The following UNC5D variants were observed in gnomAD, a reference collection of about 807,000 sequenced individuals.
The protein encoded by UNC5D is netrin receptor UNC5D.
In UNC5D, 39 loss-of-function variants were observed where a neutral mutation model predicts 105.4. The ratio of observed to expected loss-of-function variants is 0.37; its 90% CI spans 0.29 to 0.48. The LOEUF is 0.48. Ranked by LOEUF, UNC5D falls within the 20% of genes least tolerant of loss-of-function variation. The pLI is 0.98. For synonymous variants in UNC5D, 452 were observed against 450.4 expected, an observed-to-expected ratio of 1.00 and a Z score of -0.04; for missense variants, 991 against 1,202.4, an observed-to-expected ratio of 0.82 and a Z score of 2.60.
At chr8:35,265,863 C>T (rs951754364) in intron 1 of UNC5D, among the ~76,000 whole-genome samples, 4 of 108,624 alleles carry the variant, frequency 3.7e-5, no homozygotes, top group African/African-American at 1.0e-4. Context: ...GAGCGAGACT[C>T]GTCTCATAAT....
intron 4 of UNC5D, among the ~76,000 whole-genome samples, chr8:35,658,524 TA>T (rs1823909945): frequency 6.6e-6 from 1 of 152,112 alleles, no homozygotes; most frequent in African/African-American, 2.4e-5. Context: ...AGATGCTGTG[TA>T]ATGATGTTAC....
chr8:35,363,447 G>C (rs1801954571), intron 1 of UNC5D, among the ~76,000 whole-genome samples: 1 of 152,276 alleles, frequency 6.6e-6, no homozygotes, highest in Non-Finnish European at 1.5e-5. Flanking sequence ...TGGGAATTAT[G>C]GGAGTACAAT....
chr8:35,600,355 C>G (rs1210800237), intron 4 of UNC5D, among the ~76,000 whole-genome samples: 1 of 152,108 alleles, frequency 6.6e-6, no homozygotes, highest in Non-Finnish European at 1.5e-5. Context: ...ATTTCTAGTT[C>G]TAGATCCCTG....
intron 1 of UNC5D, among the ~76,000 whole-genome samples, chr8:35,304,950 A>G (rs1006950033): frequency 6.6e-6 from 1 of 152,036 alleles, no homozygotes; most frequent in African/African-American, 2.4e-5. Flanking sequence ...AAGTTATTAT[A>G]TTCATTTATA....
chr8:35,746,567 C>A (rs1314058339), intron 11 of UNC5D, among the ~76,000 whole-genome samples: 1 of 152,150 alleles, frequency 6.6e-6, no homozygotes, highest in Non-Finnish European at 1.5e-5. Context: ...TGCCCTGGCT[C>A]ATATTCAATA....
At chr8:35,744,428 A>T (rs1308465359) in intron 11 of UNC5D, among the ~76,000 whole-genome samples, 1 of 152,232 alleles carries the variant, frequency 6.6e-6, no homozygotes, top group Non-Finnish European at 1.5e-5. Flanking sequence ...ACATCCATTT[A>T]TGATTCTCAA....
In UNC5D at chr8:35,736,591, T is replaced by G. The variant is rs570092585; in HGVS notation, c.1766+5495T>G. Among the ~76,000 whole-genome samples the G allele has an allele frequency of 3.9e-5, 6 of 152,328 alleles. No individual in the cohort carries two copies. The East Asian group carries it at 7.7e-4, about 20-fold the overall frequency. On this transcript the variant is annotated intron_variant, in intron 11 of 16. Transcript: ENST00000404895. ...GGTTAAGCCCCATAAGCAAATCCAG[T>G]TCTTTAAATGAATGATCATATTGCA...
chr8:35,715,416 C>CTGTT, intron 8 of UNC5D, among the ~76,000 whole-genome samples: 1 of 152,170 alleles, frequency 6.6e-6, no homozygotes, highest in East Asian at 1.9e-4. Context: ...GTATATGTAC[C>CTGTT]TGTTTATACT....
At chr8:35,600,027 C>T (rs1819752237) in intron 4 of UNC5D, among the ~76,000 whole-genome samples, 4 of 152,058 alleles carry the variant, frequency 2.6e-5, no homozygotes, top group Admixed American at 2.6e-4. Context: ...TGTTCAATTC[C>T]CACCTATGAG....
At chr8:35,330,270 C>T (rs1292402742) in intron 1 of UNC5D, among the ~76,000 whole-genome samples, 1 of 152,168 alleles carries the variant, frequency 6.6e-6, no homozygotes, top group Non-Finnish European at 1.5e-5. Context: ...GGAAAAAAGA[C>T]TGTATTTATT....
intron 4 of UNC5D, among the ~76,000 whole-genome samples, chr8:35,620,914 G>T (rs1821322736): frequency 1.3e-5 from 2 of 152,170 alleles, no homozygotes; most frequent in Admixed American, 6.5e-5. Context: ...ACTTGGAGAA[G>T]CGTAAGATAG....
chr8:35,726,688 A>T, intron 10 of UNC5D, 159 bp downstream of exon 10: 1 of 1,118,404 alleles, frequency 8.9e-7, no homozygotes, highest in South Asian at 1.5e-5. Context: ...ACAGCAAACC[A>T]GAACCAATGC....
intron 8 of UNC5D, among the ~76,000 whole-genome samples, chr8:35,710,941 T>TGTTTTG (rs1827903344): frequency 3.0e-4 from 37 of 123,756 alleles, no homozygotes; most frequent in South Asian, 1.1e-3. Context: ...ATTCTTTTTT[T>TGTTTTG]TTTTTTTTTT....
rs537637673 is a variant in UNC5D, at chr8:35,604,863, C to T, written c.570+9206C>T. Among the ~76,000 whole-genome samples the T allele has an allele frequency of 8.6e-4, 131 of 152,288 alleles. 4 individuals carry two copies. In the South Asian group the frequency reaches 0.025, roughly 29 times the overall value. ...GTTACTGAGGCTTGTGCATTCGTCA[C>T]GTAGTTCTCGTGCCATGGTTTTCAG... On this transcript the variant is annotated intron_variant, in intron 4 of 16. Coordinates refer to ENST00000404895, the MANE Select transcript of UNC5D (RefSeq NM_080872.4).
intron 1 of UNC5D, among the ~76,000 whole-genome samples, chr8:35,471,600 A>G (rs1052057309): frequency 3.3e-5 from 5 of 152,210 alleles, no homozygotes; most frequent in Non-Finnish European, 7.3e-5. Context: ...GCTATAGTGG[A>G]TTCTATTGCT....
rs773512288 is a variant in UNC5D at position 35,455,931 on chromosome 8, A to C, written c.104-93361A>C. ...ACACATGAGAATTATGGGAGCTATAATTCAAGATGAGATTTGGGTAGGGAC... is the reference window on the plus strand; with the variant it reads ...ACACATGAGAATTATGGGAGCTATACTTCAAGATGAGATTTGGGTAGGGAC... On this transcript the variant is annotated intron_variant, in intron 1 of 16. Transcript: ENST00000404895. Among the ~76,000 whole-genome samples the C allele has an allele frequency of 1.8e-4, 27 of 152,136 alleles. 1 individual carries two copies. The highest frequency in any genetic ancestry group is 3.2e-4 in the Non-Finnish European group (22 of 68,022).
chr8:35,767,745 G>T (rs1801838304), intron 15 of UNC5D, among the ~76,000 whole-genome samples: 1 of 152,190 alleles, frequency 6.6e-6, no homozygotes, highest in African/African-American at 2.4e-5. Flanking sequence ...GTTACAAGTA[G>T]CAGTCAAGGG....
intron 14 of UNC5D, 32 bp downstream of exon 14, chr8:35,759,501 G>A (rs887062761): frequency 1.3e-6 from 2 of 1,596,336 alleles, no homozygotes; most frequent in Admixed American, 1.8e-5. Flanking sequence ...AACAGAAACG[G>A]CTTTGCTTTA....
intron 1 of UNC5D, among the ~76,000 whole-genome samples, chr8:35,504,541 G>C (rs1812186053): frequency 6.6e-6 from 1 of 152,190 alleles, no homozygotes; most frequent in Admixed American, 6.5e-5. Context: ...CAAAGGAAGA[G>C]AAGATAAGGA....
Sources: gnomAD v4.1 joint callset for allele counts (sites outside exome capture counted in the v4.1 genomes callset) on GRCh38, gnomAD v4.1.1 for gene constraint, MANE v1.5 for transcripts, NCBI Gene and HGNC (gene_info 2026-07-23, HGNC 2026-07-21) for gene names.